Variants in LRRC4C observed in about 807,000 individuals in gnomAD.
The protein encoded by LRRC4C is leucine-rich repeat-containing protein 4C.
A neutral mutation model predicts 33.6 loss-of-function variants in LRRC4C; 5 were observed. The ratio of observed to expected loss-of-function variants is 0.15; its 90% CI spans 0.08 to 0.31. LRRC4C has a LOEUF of 0.31. LRRC4C is among the 10% of genes least tolerant of loss of function. LRRC4C has a pLI of 1.00. For missense variants in LRRC4C, 560 were observed against 796.7 expected (o/e 0.70, Z 3.58); for synonymous variants, 329 against 302.0 (o/e 1.09, Z -0.93).
chr11:41,457,898 A>T lies in LRRC4C; in HGVS notation c.-496+1533T>A, dbSNP rs543226861. Reference sequence around the variant, plus strand: ...ATGCAAAAAATATTAGATAGATGAAAGGCTAGGATAGCCTAGGGTAATACC... The same window carrying T: ...ATGCAAAAAATATTAGATAGATGAATGGCTAGGATAGCCTAGGGTAATACC... On this transcript the variant is annotated intron_variant, in intron 1 of 6. Transcript: ENST00000528697. 3.9e-4 allele frequency among the ~76,000 whole-genome samples: 60 copies of T among 152,222 alleles called. 1 individual carries two copies. The South Asian group carries it at 0.012, about 29-fold the overall frequency.
intron 1 of LRRC4C, among the ~76,000 whole-genome samples, chr11:41,204,504 A>G (rs1946521039): frequency 6.6e-6 from 1 of 151,378 alleles, no homozygotes; most frequent in Admixed American, 6.6e-5. Flanking sequence ...ACTTAGATAG[A>G]GACACTGCTT....
At chr11:41,166,925 C>T (rs140968407) in intron 1 of LRRC4C, among the ~76,000 whole-genome samples, 73 of 152,206 alleles carry the variant, frequency 4.8e-4, no homozygotes, top group Non-Finnish European at 8.5e-4. Context: ...ACCCCTCTCC[C>T]CCATACAAAC....
intron 2 of LRRC4C, among the ~76,000 whole-genome samples, chr11:40,889,902 C>G (rs530604128): frequency 6.6e-6 from 1 of 152,130 alleles, no homozygotes; most frequent in Non-Finnish European, 1.5e-5. Flanking sequence ...AGTGTTTGCA[C>G]ATATCCTGGC....
intron 1 of LRRC4C, among the ~76,000 whole-genome samples, chr11:40,966,969 G>T (rs1851407469): frequency 6.6e-6 from 1 of 152,004 alleles, no homozygotes; most frequent in Admixed American, 6.6e-5. Flanking sequence ...ACATGAGGTT[G>T]CACAGAAGTC....
At chr11:40,886,870 AAT>A (rs1369558219) in intron 2 of LRRC4C, among the ~76,000 whole-genome samples, 1 of 150,146 alleles carries the variant, frequency 6.7e-6, no homozygotes, top group Admixed American at 6.6e-5. Flanking sequence ...TACACAAGCA[AAT>A]ATGTTTATAT....
intron 1 of LRRC4C, among the ~76,000 whole-genome samples, chr11:41,143,732 A>G (rs1463206452): frequency 1.3e-5 from 2 of 152,140 alleles, no homozygotes; most frequent in African/African-American, 4.8e-5. Flanking sequence ...AGAAAATCAT[A>G]TTTTGGGGGC....
intron 1 of LRRC4C, among the ~76,000 whole-genome samples, chr11:41,281,102 T>TCC (rs780934160): frequency 1.8e-5 from 2 of 113,440 alleles, no homozygotes; most frequent in African/African-American, 6.2e-5. Flanking sequence ...TCTCTCTCTC[T>TCC]CTCACACACA....
intron 3 of LRRC4C, among the ~76,000 whole-genome samples, chr11:40,517,380 A>G (rs1181141878): frequency 5.3e-5 from 8 of 152,126 alleles, no homozygotes; most frequent in Non-Finnish European, 1.2e-4. Flanking sequence ...GTCAAATAGG[A>G]AAGGAAAATG....
intron 2 of LRRC4C, among the ~76,000 whole-genome samples, chr11:40,790,856 T>A (rs142386011): frequency 6.6e-6 from 1 of 152,268 alleles, no homozygotes; most frequent in South Asian, 2.1e-4. Flanking sequence ...TCATAATGGA[T>A]CTTAAAAATA....
intron 1 of LRRC4C, among the ~76,000 whole-genome samples, chr11:41,282,268 T>G (rs1949700538): frequency 6.6e-6 from 1 of 152,194 alleles, no homozygotes; most frequent in Admixed American, 6.5e-5. Context: ...TATTTTGAGG[T>G]GCAAGTGAAA....
chr11:41,231,464 T>C (rs1324600870), intron 1 of LRRC4C, among the ~76,000 whole-genome samples: 1 of 151,150 alleles, frequency 6.6e-6, no homozygotes, highest in Non-Finnish European at 1.5e-5. Flanking sequence ...ATGTCCTTTG[T>C]AGGGACATGG....
At chr11:40,948,122 C>T (rs1206495493) in intron 1 of LRRC4C, among the ~76,000 whole-genome samples, 1 of 152,076 alleles carries the variant, frequency 6.6e-6, no homozygotes, top group Non-Finnish European at 1.5e-5. Flanking sequence ...TGGATTTTCT[C>T]TTATGACTCC....
chr11:41,191,152 G>A (rs1290079094), intron 1 of LRRC4C, among the ~76,000 whole-genome samples: 1 of 152,096 alleles, frequency 6.6e-6, no homozygotes, highest in Non-Finnish European at 1.5e-5. Context: ...ATATTGCTTT[G>A]CATTTGGTCC....
At chr11:40,387,185 T>A in intron 3 of LRRC4C, among the ~76,000 whole-genome samples, 1 of 152,332 alleles carries the variant, frequency 6.6e-6, no homozygotes, top group South Asian at 2.1e-4. Context: ...TATTTTCATA[T>A]CAGTTTATAT....
At chr11:40,557,476 C>A in intron 3 of LRRC4C, among the ~76,000 whole-genome samples, 1 of 152,208 alleles carries the variant, frequency 6.6e-6, no homozygotes, top group East Asian at 1.9e-4. Flanking sequence ...TATCTTTGAA[C>A]TGAAACGATT....
At chr11:40,365,038 A>G (rs940487864) in intron 3 of LRRC4C, among the ~76,000 whole-genome samples, 2 of 151,716 alleles carry the variant, frequency 1.3e-5, no homozygotes, top group African/African-American at 4.8e-5. Flanking sequence ...TACTATCATA[A>G]TCACCACAAG....
intron 1 of LRRC4C, among the ~76,000 whole-genome samples, chr11:41,444,661 G>A (rs957427124): frequency 1.3e-5 from 2 of 152,088 alleles, no homozygotes; most frequent in African/African-American, 4.8e-5. Context: ...AAGTGTTTAT[G>A]CAAAAAGTCA....
At chr11:40,438,360 A>G (rs919531343) in intron 3 of LRRC4C, among the ~76,000 whole-genome samples, 2 of 152,200 alleles carry the variant, frequency 1.3e-5, no homozygotes, top group African/African-American at 4.8e-5. Flanking sequence ...CCAAAACAAT[A>G]ACAAAAAACT....
chr11:41,051,213 G>A (rs977754109), intron 1 of LRRC4C, among the ~76,000 whole-genome samples: 1 of 152,038 alleles, frequency 6.6e-6, no homozygotes, highest in African/African-American at 2.4e-5. Flanking sequence ...CTCTTTAAAA[G>A]CTAACACTTA....
Sources: allele counts gnomAD v4.1 joint callset (sites outside exome capture counted in the v4.1 genomes callset), GRCh38; gene constraint gnomAD v4.1.1; transcripts MANE v1.5; gene names NCBI Gene and HGNC (gene_info 2026-07-23, HGNC 2026-07-21).